CEP85L: variants seen among roughly 807,000 people sequenced by gnomAD.
The protein encoded by CEP85L is centrosomal protein of 85 kDa-like.
Under a neutral mutation model 100.3 loss-of-function variants are expected in CEP85L, and 60 were observed. The observed-to-expected ratio is 0.60, with a 90% CI of 0.49 to 0.74. CEP85L has a LOEUF of 0.74. Ranked by LOEUF, CEP85L falls within the 30% of genes least tolerant of loss-of-function variation. The probability of loss-of-function intolerance (pLI) is 0.00; values close to 1 mark genes in which losing one functional copy is unlikely to be tolerated. For missense variants in CEP85L, 973 were observed against 936.2 expected (o/e 1.04, Z -0.51); for synonymous variants, 319 against 322.7 (o/e 0.99, Z 0.12).
chr6:118,552,757 T>G (rs1778625817), intron 3 of CEP85L, among the ~76,000 whole-genome samples: 2 of 152,148 alleles, frequency 1.3e-5, no homozygotes, highest in African/African-American at 4.8e-5. Flanking sequence ...TTCTTTATTT[T>G]TATTCTTCTC....
At chr6:118,501,826 G>C in intron 5 of CEP85L, 2 of 1,292,694 alleles carry the variant, frequency 1.5e-6, no homozygotes, top group Admixed American at 1.7e-5. Context: ...GAGAGAGAGA[G>C]AGAGAGGACT....
At chr6:118,655,924 A>C (rs1775772297), upstream of CEP85L, among the ~76,000 whole-genome samples, 1 of 152,226 alleles carries the variant, frequency 6.6e-6, no homozygotes, top group Non-Finnish European at 1.5e-5. Context: ...TCACACAGGA[A>C]GTAAAGAGCT....
chr6:118,568,359 T>C (rs1013565267), intron 2 of CEP85L, among the ~76,000 whole-genome samples: 8 of 152,182 alleles, frequency 5.3e-5, no homozygotes, highest in Non-Finnish European at 1.0e-4. Flanking sequence ...TAAGTAAATT[T>C]CCTATGTGCT....
intron 1 of CEP85L, among the ~76,000 whole-genome samples, chr6:118,638,707 A>G (rs1774674584): frequency 1.3e-5 from 2 of 151,824 alleles, no homozygotes; most frequent in Non-Finnish European, 2.9e-5. Flanking sequence ...GGAAGACAAT[A>G]TGTTACATTT....
intron 7 of CEP85L, 101 bp downstream of exon 7, chr6:118,483,605 G>C: frequency 1.9e-6 from 2 of 1,034,184 alleles, no homozygotes. Context: ...CCCCAAAACA[G>C]CAATTAAACA....
intron 2 of CEP85L, among the ~76,000 whole-genome samples, chr6:118,606,994 T>A (rs949661335): frequency 6.6e-6 from 1 of 152,098 alleles, no homozygotes; most frequent in Non-Finnish European, 1.5e-5. Context: ...GCTTCTGGGT[T>A]CCCTTTCCCT....
At chr6:118,608,958 C>G (rs1772429230) in intron 2 of CEP85L, among the ~76,000 whole-genome samples, 2 of 152,144 alleles carry the variant, frequency 1.3e-5, no homozygotes, top group Non-Finnish European at 2.9e-5. Context: ...GGAGATCAAA[C>G]CTAATCCTAG....
chr6:118,650,693 T>C (rs1459577314), intron 1 of CEP85L, among the ~76,000 whole-genome samples: 1 of 152,080 alleles, frequency 6.6e-6, no homozygotes, highest in Non-Finnish European at 1.5e-5. Flanking sequence ...GCCCTAAAAG[T>C]AGCGGCTGCG....
At chr6:118,602,602 C>T (rs1781841049) in intron 2 of CEP85L, among the ~76,000 whole-genome samples, 1 of 152,192 alleles carries the variant, frequency 6.6e-6, no homozygotes, top group African/African-American at 2.4e-5. Flanking sequence ...ATTAATGAGA[C>T]TAGAATTTAA....
intron 2 of CEP85L, among the ~76,000 whole-genome samples, chr6:118,603,801 G>GAT (rs764154582): frequency 6.6e-6 from 1 of 152,146 alleles, no homozygotes; most frequent in Non-Finnish European, 1.5e-5. Flanking sequence ...TTGCACTTAA[G>GAT]AATACCTGCT....
At chr6:118,515,138 C>T (rs1251806406) in intron 4 of CEP85L, among the ~76,000 whole-genome samples, 1 of 151,774 alleles carries the variant, frequency 6.6e-6, no homozygotes, top group Admixed American at 6.6e-5. Context: ...GAGAATATTG[C>T]CAGGGACAAA....
chr6:118,544,252 G>C (rs1480583334), intron 3 of CEP85L, among the ~76,000 whole-genome samples: 1 of 152,084 alleles, frequency 6.6e-6, no homozygotes, highest in Non-Finnish European at 1.5e-5. Context: ...GGAGACCTAA[G>C]GGTTGGTTTT....
chr6:118,614,536 A>G (rs973086562), intron 2 of CEP85L, among the ~76,000 whole-genome samples: 2 of 152,250 alleles, frequency 1.3e-5, no homozygotes, highest in Non-Finnish European at 2.9e-5. Context: ...TAACAAATAC[A>G]AGATAAATAT....
At chr6:118,495,352 C>G (rs1359728545) in intron 5 of CEP85L, among the ~76,000 whole-genome samples, 1 of 152,058 alleles carries the variant, frequency 6.6e-6, no homozygotes, top group Non-Finnish European at 1.5e-5. Flanking sequence ...CCAATAATCC[C>G]TATATGTTGA....
chr6:118,518,946 G>A (rs942426433), intron 4 of CEP85L, among the ~76,000 whole-genome samples: 14 of 152,156 alleles, frequency 9.2e-5, no homozygotes, highest in African/African-American at 3.4e-4. Context: ...GTTCTCATTG[G>A]TTTCAAAGAA....
At chr6:118,692,922 T>C (rs934046645) in intron 1 of CEP85L, among the ~76,000 whole-genome samples, 9 of 152,168 alleles carry the variant, frequency 5.9e-5, no homozygotes, top group Non-Finnish European at 1.2e-4. Context: ...GCCCAGCACA[T>C]AGTAGGCCAA....
At chr6:118,612,345 T>C (rs1772682512) in intron 2 of CEP85L, among the ~76,000 whole-genome samples, 1 of 150,730 alleles carries the variant, frequency 6.6e-6, no homozygotes, top group Non-Finnish European at 1.5e-5. Flanking sequence ...GAGAGGAAAA[T>C]TTATAATAGC....
chr6:118,549,475 CAT>C (rs1778409471), intron 3 of CEP85L, among the ~76,000 whole-genome samples: 1 of 151,636 alleles, frequency 6.6e-6, no homozygotes, highest in African/African-American at 2.4e-5. Context: ...TTTCATATTT[CAT>C]ATATATGTTA....
chr6:118,572,667 T>C (rs925948327), intron 2 of CEP85L, among the ~76,000 whole-genome samples: 1 of 151,982 alleles, frequency 6.6e-6, no homozygotes, highest in Non-Finnish European at 1.5e-5. Flanking sequence ...CTGCTAGGAG[T>C]GGGGCTATAT....
Sources: allele counts gnomAD v4.1 joint callset (sites outside exome capture counted in the v4.1 genomes callset), GRCh38; gene constraint gnomAD v4.1.1; transcripts MANE v1.5; gene names NCBI Gene and HGNC (gene_info 2026-07-23, HGNC 2026-07-21).